Variants in PINX1 observed in about 807,000 individuals in gnomAD.
The protein encoded by PINX1 is PIN2 (TERF1) interacting telomerase inhibitor 1.
A neutral mutation model predicts 25.4 loss-of-function variants in PINX1; 34 were observed. That is an observed-to-expected ratio of 1.34 (90% CI 1.02 to 1.78). PINX1 has a LOEUF of 1.78. Ranked by LOEUF, PINX1 falls within the 40% of genes most tolerant of loss-of-function variation. The probability of loss-of-function intolerance (pLI) is 0.00; values close to 1 mark genes in which losing one functional copy is unlikely to be tolerated. For missense variants in PINX1, 592 were observed against 404.9 expected, an observed-to-expected ratio of 1.46 and a Z score of -3.97; for synonymous variants, 197 against 147.7, an observed-to-expected ratio of 1.33 and a Z score of -2.42.
intron 6 of PINX1, among the ~76,000 whole-genome samples, chr8:10,810,281 A>C (rs1802586893): frequency 6.6e-6 from 1 of 152,216 alleles, no homozygotes. Flanking sequence ...CAACTGATTT[A>C]ACGATGACTT....
intron 6 of PINX1, among the ~76,000 whole-genome samples, chr8:10,767,571 CAGG>C (rs2129070207): frequency 6.6e-6 from 1 of 152,338 alleles, no homozygotes; most frequent in South Asian, 2.1e-4. Context: ...AAATCTGCCT[CAGG>C]AGATTTGTCT....
At chr8:10,796,339 G>A (rs538460323) in intron 6 of PINX1, among the ~76,000 whole-genome samples, 24 of 152,222 alleles carry the variant, frequency 1.6e-4, no homozygotes, top group Admixed American at 6.5e-4. Flanking sequence ...AAAGAGGTGC[G>A]ATTTGTTTAA....
intron 6 of PINX1, among the ~76,000 whole-genome samples, chr8:10,809,265 G>A (rs983761794): frequency 2.6e-5 from 4 of 152,194 alleles, no homozygotes; most frequent in Non-Finnish European, 4.4e-5. Flanking sequence ...TGGCTGGAGG[G>A]AAGATCCTCT....
intron 6 of PINX1, among the ~76,000 whole-genome samples, chr8:10,807,202 C>A (rs1482543734): frequency 6.6e-6 from 1 of 151,846 alleles, no homozygotes; most frequent in East Asian, 1.9e-4. Flanking sequence ...GAGACAAGAA[C>A]AGGACATTAT....
chr8:10,781,802 A>G (rs1301596937), intron 6 of PINX1, among the ~76,000 whole-genome samples: 1 of 152,226 alleles, frequency 6.6e-6, no homozygotes, highest in Non-Finnish European at 1.5e-5. Context: ...TTAAAAATAC[A>G]ATTACTGTAT....
intron 4 of PINX1, among the ~76,000 whole-genome samples, chr8:10,831,054 A>G (rs1321147664): frequency 6.6e-6 from 1 of 152,260 alleles, no homozygotes; most frequent in East Asian, 1.9e-4. Context: ...CTAAGTGTCC[A>G]CCAACACATG....
At chr8:10,799,081 A>G (rs1050947454) in intron 6 of PINX1, among the ~76,000 whole-genome samples, 4 of 152,090 alleles carry the variant, frequency 2.6e-5, no homozygotes, top group South Asian at 4.1e-4. Flanking sequence ...TCTGTATTAT[A>G]ATATTTAAAT....
Position 10,782,420 on chromosome 8 carries a change from TA to T in PINX1, c.472-16505del, listed in dbSNP as rs35052965. ...CATGTACAGCTTTAAATATACTCGA[TA>T]AAAAAAAAAATTTTTTTTTTTAAGT... On this transcript the variant is annotated intron_variant, in intron 6 of 6. Transcript: ENST00000314787. Among the ~76,000 whole-genome samples, 1,744 of 143,016 alleles carry T rather than the reference TA, an allele frequency of 0.012. 66 individuals carry two copies. In the East Asian group the frequency reaches 0.13, roughly 11 times the overall value. 93.8% of individuals were successfully genotyped at this position (143,016 alleles called of 152,430 possible).
intron 5 of PINX1, 49 bp from the exon 6 acceptor site, chr8:10,820,318 A>G: frequency 7.6e-7 from 1 of 1,323,624 alleles, no homozygotes; most frequent in Non-Finnish European, 1.1e-6. Context: ...TTCCTAAAAG[A>G]AAGAGCGCAG....
At chr8:10,778,581 G>A (rs1801487290) in intron 6 of PINX1, among the ~76,000 whole-genome samples, 3 of 152,144 alleles carry the variant, frequency 2.0e-5, no homozygotes, top group African/African-American at 7.2e-5. Flanking sequence ...CATGGTCTAA[G>A]TAAGTTTGGG....
At chr8:10,776,549 G>A (rs1031447486) in intron 6 of PINX1, among the ~76,000 whole-genome samples, 1 of 152,160 alleles carries the variant, frequency 6.6e-6, no homozygotes, top group Non-Finnish European at 1.5e-5. Context: ...GCAATTGGCT[G>A]TCAGAATTGT....
chr8:10,803,147 T>C (rs907007774), intron 6 of PINX1, among the ~76,000 whole-genome samples: 4 of 152,254 alleles, frequency 2.6e-5, no homozygotes, highest in Non-Finnish European at 5.9e-5. Flanking sequence ...CTAATATTCC[T>C]ATCAACAATT....
chr8:10,839,649 C>G, intron 1 of PINX1, 89 bp downstream of exon 1: 6 of 1,391,042 alleles, frequency 4.3e-6, no homozygotes, highest in Non-Finnish European at 6.0e-6. Context: ...CGCCGGCAAC[C>G]CGAGCTCCCA....
chr8:10,839,777 G>A lies in PINX1; in HGVS notation c.-21C>T, dbSNP rs767140152. On this transcript the variant is annotated 5_prime_UTR_variant, in exon 1 of 7. Coordinates refer to ENST00000314787, the MANE Select transcript of PINX1 (RefSeq NM_017884.6). ...GACATGTCGGAGAGCCTGTGATACC[G>A]CCGCCTCTGGACCTGGGTGACTGCG... The A allele has an allele frequency of 1.9e-6, 3 of 1,598,712 alleles. No homozygotes were observed. The highest frequency in any genetic ancestry group is 2.7e-5 in the African/African-American group (2 of 74,586).
At chr8:10,807,108 A>G (rs546437138) in intron 6 of PINX1, among the ~76,000 whole-genome samples, 2 of 152,170 alleles carry the variant, frequency 1.3e-5, no homozygotes, top group African/African-American at 4.8e-5. Flanking sequence ...AGAGGAACTC[A>G]GAGGACCAAG....
chr8:10,783,670 A>G (rs1801661491), intron 6 of PINX1, among the ~76,000 whole-genome samples: 1 of 152,248 alleles, frequency 6.6e-6, no homozygotes, highest in Non-Finnish European at 1.5e-5. Context: ...TACCTTACCC[A>G]TTTAATCATC....
chr8:10,777,729 G>T lies in PINX1; in HGVS notation c.472-11813C>A, dbSNP rs540862721. 2.0e-5 allele frequency among the ~76,000 whole-genome samples: 3 copies of T among 152,362 alleles called. No individual in the cohort carries two copies. In the East Asian group the frequency reaches 5.8e-4, roughly 29 times the overall value. The stretch of plus-strand genomic sequence containing the variant: ...TGGAACTGGAGCAACTAGGAGAGAT[G>T]TTTTTATAAGGACTTCCGTTCTGGT... On this transcript the variant is annotated intron_variant, in intron 6 of 6. Coordinates refer to ENST00000314787, the MANE Select transcript of PINX1 (RefSeq NM_017884.6).
intron 1 of PINX1, 72 bp downstream of exon 1, chr8:10,839,666 C>G (rs1798510294): frequency 1.3e-6 from 2 of 1,508,094 alleles, no homozygotes; most frequent in African/African-American, 2.8e-5. Context: ...CCCAGCCACT[C>G]CGGGCTGCCG....
At chr8:10,769,003 A>T (rs1801143954) in intron 6 of PINX1, among the ~76,000 whole-genome samples, 1 of 152,242 alleles carries the variant, frequency 6.6e-6, no homozygotes, top group Admixed American at 6.5e-5. Context: ...TAAAATAAAA[A>T]AAAATTTAAA....
Sources: gnomAD v4.1 joint callset for allele counts (sites outside exome capture counted in the v4.1 genomes callset) on GRCh38, gnomAD v4.1.1 for gene constraint, MANE v1.5 for transcripts, NCBI Gene and HGNC (gene_info 2026-07-23, HGNC 2026-07-21) for gene names.